ADAMTS9: variants seen among roughly 807,000 people sequenced by gnomAD.
ADAMTS9 encodes A disintegrin and metalloproteinase with thrombospondin motifs 9.
In ADAMTS9, 107 loss-of-function variants were observed where a neutral mutation model predicts 257.1. The ratio of observed to expected loss-of-function variants is 0.42; its 90% CI spans 0.36 to 0.49. The LOEUF (loss-of-function observed/expected upper bound fraction) is 0.49. Ranked by LOEUF, ADAMTS9 falls within the 20% of genes least tolerant of loss-of-function variation. The pLI is 0.03. For missense variants in ADAMTS9, 2,353 were observed against 2,469.1 expected (o/e 0.95, Z 1.00); for synonymous variants, 982 against 880.9 (o/e 1.11, Z -2.03).
intron 3 of ADAMTS9, among the ~76,000 whole-genome samples, chr3:64,678,149 G>T (rs897382472): frequency 2.0e-5 from 3 of 152,194 alleles, no homozygotes; most frequent in Non-Finnish European, 2.9e-5. Context: ...GGCTAGGGAA[G>T]GTTCGGATGG....
At chr3:64,596,049 A>G (rs1264481808) in intron 27 of ADAMTS9, among the ~76,000 whole-genome samples, 2 of 152,226 alleles carry the variant, frequency 1.3e-5, no homozygotes, top group Admixed American at 6.5e-5. Flanking sequence ...TTATTACTAC[A>G]TTATAGTGGC....
chr3:64,604,184 G>GC, intron 24 of ADAMTS9, 43 bp downstream of exon 24: 1 of 1,599,816 alleles, frequency 6.3e-7, no homozygotes, highest in Non-Finnish European at 8.5e-7. Context: ...GAGAATGTTA[G>GC]CCCCCATCCT....
At chr3:64,622,755 C>T (rs770526860) in intron 16 of ADAMTS9, among the ~76,000 whole-genome samples, 169 bp from the exon 17 acceptor site, 37 of 152,114 alleles carry the variant, frequency 2.4e-4, no homozygotes, top group Admixed American at 9.2e-4. Flanking sequence ...AGCTGTGTGG[C>T]TTTGGGAATC....
intron 3 of ADAMTS9, among the ~76,000 whole-genome samples, chr3:64,669,767 C>G (rs1018973475): frequency 2.0e-5 from 3 of 152,108 alleles, no homozygotes; most frequent in Non-Finnish European, 4.4e-5. Context: ...AAGGAGTGGA[C>G]TTTTGCTGAT....
At chr3:64,549,574 A>G (rs573077019) in intron 31 of ADAMTS9, among the ~76,000 whole-genome samples, 2 of 152,288 alleles carry the variant, frequency 1.3e-5, no homozygotes, top group African/African-American at 4.8e-5. Flanking sequence ...CTCTAAGGGC[A>G]TGCGGTACTA....
At chr3:64,622,704 G>T in intron 16 of ADAMTS9, 118 bp from the exon 17 acceptor site, 1 of 1,103,432 alleles carries the variant, frequency 9.1e-7, no homozygotes, top group Non-Finnish European at 1.3e-6. Context: ...GACTTTTGAG[G>T]CAGACAGGCA....
intron 3 of ADAMTS9, among the ~76,000 whole-genome samples, chr3:64,674,492 A>G (rs1559822880): frequency 6.6e-6 from 1 of 152,236 alleles, no homozygotes; most frequent in East Asian, 1.9e-4. Context: ...TAATCAGAGC[A>G]TCTTCCTCCC....
intron 11 of ADAMTS9, among the ~76,000 whole-genome samples, chr3:64,643,375 T>C (rs898609339): frequency 6.6e-6 from 1 of 151,684 alleles, no homozygotes; most frequent in African/African-American, 2.4e-5. Flanking sequence ...AAATTAATTT[T>C]AATATATTTA....
intron 39 of ADAMTS9, chr3:64,521,447 A>T (rs1221270232): frequency 6.6e-6 from 1 of 152,202 alleles, no homozygotes; most frequent in Non-Finnish European, 1.5e-5. Context: ...CTGGGTATAT[A>T]TCAAAAAGAA....
At chr3:64,659,181 A>G (rs1031918716) in intron 3 of ADAMTS9, among the ~76,000 whole-genome samples, 8 of 152,164 alleles carry the variant, frequency 5.3e-5, no homozygotes, top group African/African-American at 1.4e-4. Context: ...AAAAACTTAA[A>G]TGGAGGCTGG....
Position 64,539,196 on chromosome 3 carries a change from G to A in ADAMTS9, c.5613+7C>T. The A allele has an allele frequency of 6.2e-7, 1 of 1,611,044 alleles. No individual in the cohort carries two copies. Among genetic ancestry groups the A allele is most frequent in the East Asian group, 2.2e-5 (1 of 44,856 alleles). ...CCCTGGCAAGGGGGAAGGCACCAAG[G>A]ACATACCTGTGGGCACTTGGCAGCG... On this transcript the variant is annotated splice_region_variant and intron_variant, in intron 37 of 39. Coordinates refer to ENST00000498707, the MANE Select transcript of ADAMTS9 (RefSeq NM_182920.2).
At chr3:64,633,361 T>C in intron 14 of ADAMTS9, 111 bp downstream of exon 14, 1 of 1,482,984 alleles carries the variant, frequency 6.7e-7, no homozygotes, top group Non-Finnish European at 9.1e-7. Flanking sequence ...TGAGAACCAC[T>C]GCCCTGGCAA....
At chr3:64,597,464 T>G (rs1231170662) in intron 26 of ADAMTS9, among the ~76,000 whole-genome samples, 3 of 152,238 alleles carry the variant, frequency 2.0e-5, no homozygotes, top group African/African-American at 7.2e-5. Flanking sequence ...AGCTTCTGTA[T>G]GAACTCCTTC....
At chr3:64,552,545 T>C (rs1205090871) in intron 30 of ADAMTS9, among the ~76,000 whole-genome samples, 1 of 151,932 alleles carries the variant, frequency 6.6e-6, no homozygotes. Context: ...TTTTGTTGTG[T>C]GGTCAGAATG....
chr3:64,526,036 G>A (rs1005747914), intron 38 of ADAMTS9, among the ~76,000 whole-genome samples: 1 of 145,754 alleles, frequency 6.9e-6, no homozygotes, highest in Admixed American at 6.9e-5. Context: ...ATAGTATAAT[G>A]TATTATAATC....
At chr3:64,665,663 T>C (rs767227332) in intron 3 of ADAMTS9, among the ~76,000 whole-genome samples, 50 of 152,230 alleles carry the variant, frequency 3.3e-4, no homozygotes, top group Non-Finnish European at 5.7e-4. Context: ...ATGAGCTGTA[T>C]ACTCCTAGTG....
At chr3:64,533,347 T>C (rs953982118) in intron 37 of ADAMTS9, 77 bp from the exon 38 acceptor site, 1 of 1,086,910 alleles carries the variant, frequency 9.2e-7, no homozygotes, top group African/African-American at 1.6e-5. Context: ...GGTGATACAA[T>C]AAAAGGTACT....
intron 37 of ADAMTS9, among the ~76,000 whole-genome samples, chr3:64,537,478 C>A (rs2083065647): frequency 6.6e-6 from 1 of 152,142 alleles, no homozygotes; most frequent in Admixed American, 6.6e-5. Flanking sequence ...GGAAGAAAGG[C>A]TCTTTTTACC....
intron 29 of ADAMTS9, chr3:64,565,342 T>C (rs934901006): frequency 6.6e-6 from 1 of 152,256 alleles, no homozygotes; most frequent in African/African-American, 2.4e-5. Flanking sequence ...TTTTAAAAAT[T>C]GATGCTTATT....
Sources: gnomAD v4.1 joint callset for allele counts (sites outside exome capture counted in the v4.1 genomes callset) on GRCh38, gnomAD v4.1.1 for gene constraint, MANE v1.5 for transcripts, NCBI Gene and HGNC (gene_info 2026-07-23, HGNC 2026-07-21) for gene names.